The following HMGCLL1 variants were observed in gnomAD, a reference collection of about 807,000 sequenced individuals.
HMGCLL1 encodes 3-hydroxy-3-methylglutaryl-CoA lyase like 1.
In HMGCLL1, 36 loss-of-function variants were observed where a neutral mutation model predicts 39.1. The ratio of observed to expected loss-of-function variants is 0.92; its 90% CI spans 0.71 to 1.22. The LOEUF (loss-of-function observed/expected upper bound fraction) is 1.22, where lower values mean the gene tolerates loss of function less well. Among genes scored for constraint, HMGCLL1 ranks in the 50% most tolerant of loss-of-function variants. The probability of loss-of-function intolerance (pLI) is 0.00; values close to 1 mark genes in which losing one functional copy is unlikely to be tolerated. For synonymous variants in HMGCLL1, 149 were observed against 144.0 expected, an observed-to-expected ratio of 1.03 and a Z score of -0.25; for missense variants, 451 against 416.5, an observed-to-expected ratio of 1.08 and a Z score of -0.72.
At chr6:55,501,832 C>T (rs1561921230) in intron 5 of HMGCLL1, among the ~76,000 whole-genome samples, 1 of 151,730 alleles carries the variant, frequency 6.6e-6, no homozygotes, top group Non-Finnish European at 1.5e-5. Context: ...CTACTGATTC[C>T]CTTGTGTAAA....
intron 1 of HMGCLL1, among the ~76,000 whole-genome samples, chr6:55,551,346 G>A (rs1385776073): frequency 6.6e-6 from 1 of 151,850 alleles, no homozygotes. Flanking sequence ...CTTATTCCCT[G>A]TGGTTATTTC....
chr6:55,440,542 G>C (rs1374854033), intron 7 of HMGCLL1, among the ~76,000 whole-genome samples: 1 of 152,114 alleles, frequency 6.6e-6, no homozygotes, highest in Non-Finnish European at 1.5e-5. Flanking sequence ...AATAATATGA[G>C]AAGAACAGAG....
the HMGCLL1 span, among the ~76,000 whole-genome samples, chr6:55,617,906 A>G: frequency 6.6e-6 from 1 of 152,150 alleles, no homozygotes; most frequent in Non-Finnish European, 1.5e-5. Flanking sequence ...GAATGGATAA[A>G]TAAATTATGC....
At chr6:55,478,257 C>T (rs1417444771) in intron 7 of HMGCLL1, among the ~76,000 whole-genome samples, 1 of 151,056 alleles carries the variant, frequency 6.6e-6, no homozygotes, top group East Asian at 1.9e-4. Flanking sequence ...CTCACCTCTC[C>T]GTATGACATC....
the HMGCLL1 span, among the ~76,000 whole-genome samples, chr6:55,587,868 T>G: frequency 3.9e-5 from 6 of 152,174 alleles, no homozygotes; most frequent in East Asian, 3.9e-4. Flanking sequence ...CCTAAATATA[T>G]ATGCACCCAA....
upstream of HMGCLL1, among the ~76,000 whole-genome samples, chr6:55,583,777 A>G (rs1193396345): frequency 4.6e-5 from 7 of 152,134 alleles, no homozygotes; most frequent in African/African-American, 7.2e-5. Context: ...CTTTTGCTTC[A>G]CTGGGATATC....
chr6:55,556,640 C>T (rs999704015), intron 1 of HMGCLL1, among the ~76,000 whole-genome samples: 6 of 152,076 alleles, frequency 3.9e-5, no homozygotes, highest in Non-Finnish European at 8.8e-5. Context: ...ATCTGAGGTA[C>T]ATTGGACTAT....
intron 7 of HMGCLL1, among the ~76,000 whole-genome samples, chr6:55,491,224 A>G (rs956543660): frequency 1.3e-5 from 2 of 152,206 alleles, no homozygotes; most frequent in African/African-American, 4.8e-5. Flanking sequence ...AAATTATATG[A>G]AGAAAGATTT....
intron 7 of HMGCLL1, among the ~76,000 whole-genome samples, chr6:55,478,863 T>C (rs1581834224): frequency 6.6e-6 from 1 of 150,910 alleles, no homozygotes; most frequent in East Asian, 1.9e-4. Context: ...ATTTTTTTTT[T>C]CATGGTAAAT....
rs942874506 is a variant in HMGCLL1 at position 55,542,337 on chromosome 6, T to C, written c.109-197A>G. Among the ~76,000 whole-genome samples, 10 of 152,282 alleles carry C rather than the reference T, an allele frequency of 6.6e-5. 1 individual carries two copies. The highest frequency in any genetic ancestry group is 6.5e-4 in the Admixed American group (10 of 15,276). On this transcript the variant is annotated intron_variant, in intron 1 of 8. Transcript: ENST00000274901. ...GAAGTATTTTTTCCTTATAACCAAG[T>C]GATATTTAGTCTAGTTATGATTAAA...
the HMGCLL1 span, among the ~76,000 whole-genome samples, chr6:55,585,776 C>T: frequency 6.6e-6 from 1 of 151,942 alleles, no homozygotes; most frequent in Non-Finnish European, 1.5e-5. Flanking sequence ...GTTTAGTCCA[C>T]TACAGATACT....
intron 4 of HMGCLL1, 72 bp downstream of exon 4, chr6:55,516,436 A>C: frequency 1.0e-6 from 1 of 993,270 alleles, no homozygotes; most frequent in Non-Finnish European, 1.6e-6. Context: ...ATATGACACA[A>C]TTTTAACTTT....
the HMGCLL1 span, among the ~76,000 whole-genome samples, chr6:55,617,835 C>T: frequency 6.6e-6 from 1 of 151,970 alleles, no homozygotes; most frequent in Admixed American, 6.6e-5. Flanking sequence ...CAAGTAGGTC[C>T]ACAGCAGGAT....
Position 55,546,537 on chromosome 6 carries a change from T to C in HMGCLL1, c.109-4397A>G, listed in dbSNP as rs560824136. Among the ~76,000 whole-genome samples the C allele has an allele frequency of 3.3e-4, 50 of 152,206 alleles. 1 individual carries two copies. In the South Asian group the frequency reaches 6.8e-3, roughly 21 times the overall value. ...AAGTAGCATTATTATAGTTATTGGG[T>C]ATAGGAGGTGAATCATTCAACCAAA... On this transcript the variant is annotated intron_variant, in intron 1 of 8. Transcript: ENST00000274901.
At chr6:55,489,479 G>A (rs1478581879) in intron 7 of HMGCLL1, among the ~76,000 whole-genome samples, 2 of 151,654 alleles carry the variant, frequency 1.3e-5, no homozygotes, top group African/African-American at 4.8e-5. Flanking sequence ...GCCCCCAAAA[G>A]AAGAAATATT....
chr6:55,638,781 A>G, the HMGCLL1 span, among the ~76,000 whole-genome samples: 2 of 152,200 alleles, frequency 1.3e-5, no homozygotes, highest in East Asian at 3.9e-4. Flanking sequence ...TGTTTTAGGT[A>G]GCTTTAAAAA....
upstream of HMGCLL1, among the ~76,000 whole-genome samples, chr6:55,580,384 A>AT (rs1298243590): frequency 4.1e-4 from 37 of 91,014 alleles, no homozygotes; most frequent in South Asian, 3.0e-3. Flanking sequence ...TTAACCAAGG[A>AT]TTTTTTTTTT....
At chr6:55,576,700 G>C (rs1319893365) in intron 1 of HMGCLL1, among the ~76,000 whole-genome samples, 1 of 152,130 alleles carries the variant, frequency 6.6e-6, no homozygotes, top group Non-Finnish European at 1.5e-5. Context: ...AGAAATTCAA[G>C]AAGTAAAATT....
rs1421415623 is a variant in HMGCLL1, at chr6:55,439,353, A to C, written c.921+81T>G. On this transcript the variant is annotated intron_variant, in intron 8 of 8. Coordinates refer to ENST00000274901, the MANE Select transcript of HMGCLL1 (RefSeq NM_001042406.2). The stretch of plus-strand genomic sequence containing the variant: ...AGTGTAGTAAAACTTTGACCTCAAA[A>C]TTGCTTCCCACATCTTAGAAGCTTT... 3 of 1,396,860 alleles carry C rather than the reference A, an allele frequency of 2.1e-6. No individual in the cohort carries two copies. In the Admixed American group the frequency reaches 6.2e-5, roughly 29 times the overall value. 86.5% of individuals were successfully genotyped at this position (1,396,860 alleles called of 1,614,324 possible). A position where few individuals can be genotyped will look rare whatever the true frequency, so the allele number is the denominator to read the frequency against.
Sources: gnomAD v4.1 joint callset for allele counts (sites outside exome capture counted in the v4.1 genomes callset) on GRCh38, gnomAD v4.1.1 for gene constraint, MANE v1.5 for transcripts, NCBI Gene and HGNC (gene_info 2026-07-23, HGNC 2026-07-21) for gene names.